SETD7: variants seen among roughly 807,000 people sequenced by gnomAD.
SETD7 encodes the protein SET domain containing 7, histone lysine methyltransferase.
A neutral mutation model predicts 41.8 loss-of-function variants in SETD7; 16 were observed. The ratio of observed to expected loss-of-function variants is 0.38; its 90% confidence interval spans 0.26 to 0.58. The LOEUF is 0.58. Ranked by LOEUF, SETD7 falls within the 20% of genes least tolerant of loss-of-function variation. The pLI is 0.64. For missense variants in SETD7, 346 were observed against 459.7 expected (o/e 0.75, Z 2.26); for synonymous variants, 163 against 169.7 (o/e 0.96, Z 0.31).
rs1053628976 is a variant in SETD7 at position 139,508,616 on chromosome 4, G to A, written c.*3047C>T. On this transcript the variant is annotated 3_prime_UTR_variant, in exon 8 of 8. Transcript: ENST00000274031. The stretch of plus-strand genomic sequence containing the variant: ...TGAATCTCCTTGAGATTACAGTGTC[G>A]CACACACACATAGGCTCCCGCTGTT... 4 of 152,090 alleles carry A rather than the reference G, an allele frequency of 2.6e-5. No individual in the cohort carries two copies. The East Asian group carries it at 5.8e-4, about 22-fold the overall frequency. The allele number at this position is 152,090 out of a possible 1,614,324, so 9.4% of individuals were successfully genotyped here.
rs568487596 is a variant in SETD7, at chr4:139,508,635, C to A, written c.*3028G>T. 8 of 152,142 alleles carry A rather than the reference C, an allele frequency of 5.3e-5. No individual in the cohort carries two copies. Among genetic ancestry groups the A allele is most frequent in the African/African-American group, 1.9e-4 (8 of 41,420 alleles). The allele number at this position is 152,142 out of a possible 1,614,324, so 9.4% of individuals were successfully genotyped here. On this transcript the variant is annotated 3_prime_UTR_variant, in exon 8 of 8. Coordinates refer to ENST00000274031, the MANE Select transcript of SETD7 (RefSeq NM_030648.4). ...AGTGTCGCACACACACATAGGCTCC[C>A]GCTGTTTTTCAGGAGAGCATAAAGT... is the stretch of plus-strand genomic sequence containing the variant.
chr4:139,523,509 T>C (rs1664726398), intron 4 of SETD7, 74 bp from the exon 5 acceptor site: 3 of 1,110,778 alleles, frequency 2.7e-6, no homozygotes, highest in Non-Finnish European at 4.0e-6. Flanking sequence ...TCTCTATTCA[T>C]GGGACAACGA....
chr4:139,531,859 G>A (rs891914829), intron 3 of SETD7, among the ~76,000 whole-genome samples: 3 of 152,154 alleles, frequency 2.0e-5, no homozygotes, highest in African/African-American at 4.8e-5. Context: ...GGGAGGCCGA[G>A]GCAAGGAAAT....
At chr4:139,551,525 TAA>T (rs1728110257) in intron 1 of SETD7, among the ~76,000 whole-genome samples, 1 of 152,232 alleles carries the variant, frequency 6.6e-6, no homozygotes, top group Non-Finnish European at 1.5e-5. Flanking sequence ...CTGAATCTGA[TAA>T]GAGCCAGGCC....
rs757399930 is a variant in SETD7, at chr4:139,518,000, G to A, written c.805C>T (p.Leu269Phe). The stretch of plus-strand genomic sequence containing the variant: ...ACATCAATGACCGTTTCTTCATCAA[G>A]GGAGAGGGTGTTCCCATTAAGGGCC... ...DWALNGNTLS[L>F]DEETVIDVPE... is the part of the protein sequence containing the mutation. The change falls in exon 7 of 8, where the codon CTT (leucine) becomes TTT (phenylalanine). Residue 269 changes from leucine (L) to phenylalanine (F), a missense_variant. Leu to Phe is a conservative substitution (Grantham distance 22, BLOSUM62 0). Coordinates refer to ENST00000274031, the MANE Select transcript of SETD7 (RefSeq NM_030648.4). The A allele has an allele frequency of 6.2e-7, 1 of 1,614,076 alleles. No individual in the cohort carries two copies. The highest frequency in any genetic ancestry group is 1.1e-5 in the South Asian group (1 of 91,070).
At chr4:139,528,119 T>G (rs1315550624) in intron 4 of SETD7, among the ~76,000 whole-genome samples, 1 of 152,246 alleles carries the variant, frequency 6.6e-6, no homozygotes, top group Admixed American at 6.5e-5. Context: ...TTTCTTAAGC[T>G]GTGCCACTCA....
intron 5 of SETD7, among the ~76,000 whole-genome samples, chr4:139,522,427 T>C (rs1727202256): frequency 6.6e-6 from 1 of 152,170 alleles, no homozygotes; most frequent in Admixed American, 6.5e-5. Flanking sequence ...AAATAAGACA[T>C]GAAGTAGAAC....
rs147350179 is a variant in SETD7 at position 139,496,857 on chromosome 4, A to G, written c.921-336T>C. Among the ~76,000 whole-genome samples, 1,090 of 152,184 alleles carry G rather than the reference A, an allele frequency of 7.2e-3. 17 individuals carry two copies. The highest frequency in any genetic ancestry group is 0.025 in the African/African-American group (1,049 of 41,478). Reference sequence around the variant, plus strand: ...TGTAGGTTTTGTAAATCGTACTTAGATAAGTTGTGTTCCTGTACACACACA... The same window carrying G: ...TGTAGGTTTTGTAAATCGTACTTAGGTAAGTTGTGTTCCTGTACACACACA... On this transcript the variant is annotated intron_variant, in intron 7 of 7. Coordinates refer to the SETD7 transcript ENST00000506866.
At chr4:139,535,400 C>G (rs908844733) in intron 2 of SETD7, among the ~76,000 whole-genome samples, 1 of 152,100 alleles carries the variant, frequency 6.6e-6, no homozygotes, top group African/African-American at 2.4e-5. Flanking sequence ...TTTTTATTTG[C>G]TCATCCTGGC....
chr4:139,520,800 G>T (rs2111134659), intron 5 of SETD7, among the ~76,000 whole-genome samples: 2 of 152,302 alleles, frequency 1.3e-5, no homozygotes, highest in Middle Eastern at 6.8e-3. Context: ...GGAGGGAAAG[G>T]AGGCTGTTTT....
chr4:139,519,383 C>T (rs1219007682), intron 6 of SETD7, among the ~76,000 whole-genome samples: 1 of 152,214 alleles, frequency 6.6e-6, no homozygotes, highest in Non-Finnish European at 1.5e-5. Context: ...GCTTCCGTTT[C>T]CCTATCTGTA....
At chr4:139,520,989 C>A (rs1727163641) in intron 5 of SETD7, among the ~76,000 whole-genome samples, 1 of 152,152 alleles carries the variant, frequency 6.6e-6, no homozygotes, top group Non-Finnish European at 1.5e-5. Context: ...ACAGCCATAC[C>A]CATTTGCTTA....
chr4:139,550,973 T>C (rs1325743355), intron 1 of SETD7, among the ~76,000 whole-genome samples: 1 of 152,234 alleles, frequency 6.6e-6, no homozygotes, highest in Admixed American at 6.5e-5. Flanking sequence ...ATTCCCATTC[T>C]AGACACTGGC....
chr4:139,531,333 G>C (rs1727478004), intron 3 of SETD7, among the ~76,000 whole-genome samples: 1 of 152,188 alleles, frequency 6.6e-6, no homozygotes, highest in Non-Finnish European at 1.5e-5. Context: ...TAAAATGACA[G>C]GTAGTAGGAG....
chr4:139,547,872 T>C (rs1728006095), intron 1 of SETD7: 1 of 152,248 alleles, frequency 6.6e-6, no homozygotes, highest in East Asian at 1.9e-4. Flanking sequence ...AAGCAATGAT[T>C]GTGAACATCA....
chr4:139,509,395 T>C lies in SETD7; in HGVS notation c.*2268A>G, dbSNP rs1197310731. On this transcript the variant is annotated 3_prime_UTR_variant, in exon 8 of 8. Transcript: ENST00000274031. ...AAGAACTGATTAGCAGACTAATCAC[T>C]ACTTACAACTCTTCAATTCCTTCTA... 1 of 152,192 alleles carries C rather than the reference T, an allele frequency of 6.6e-6. No individual in the cohort carries two copies. Among genetic ancestry groups the C allele is most frequent in the African/African-American group, 2.4e-5 (1 of 41,428 alleles). The allele number at this position is 152,192 out of a possible 1,614,324, so 9.4% of individuals were successfully genotyped here.
intron 7 of SETD7, among the ~76,000 whole-genome samples, chr4:139,497,142 C>T (rs536814037): frequency 3.4e-4 from 52 of 152,230 alleles, no homozygotes; most frequent in Non-Finnish European, 6.6e-4. Flanking sequence ...GCTATTAGCC[C>T]TCTTGAAATT....
chr4:139,523,272 C>A, intron 5 of SETD7, 82 bp downstream of exon 5: 1 of 1,021,310 alleles, frequency 9.8e-7, no homozygotes, highest in Non-Finnish European at 1.5e-6. Flanking sequence ...GGCAGAGAGC[C>A]AAAGAGGTGC....
At chr4:139,526,110 G>T (rs1419305078) in intron 4 of SETD7, among the ~76,000 whole-genome samples, 1 of 152,012 alleles carries the variant, frequency 6.6e-6, no homozygotes, top group Non-Finnish European at 1.5e-5. Context: ...GAATGCAGTG[G>T]TGCTATCTTG....
Sources: allele counts gnomAD v4.1 joint callset (sites outside exome capture counted in the v4.1 genomes callset), GRCh38; gene constraint gnomAD v4.1.1; transcripts MANE v1.5; gene names NCBI Gene and HGNC (gene_info 2026-07-23, HGNC 2026-07-21).